Variants in HAPLN4 observed in about 807,000 individuals in gnomAD.
HAPLN4 encodes the protein hyaluronan and proteoglycan link protein 4.
A neutral mutation model predicts 28.0 loss-of-function variants in HAPLN4; 19 were observed. The ratio of observed to expected loss-of-function variants is 0.68; its 90% CI spans 0.47 to 1.00. HAPLN4 has a LOEUF of 1.00. Among genes scored for constraint, HAPLN4 ranks in the 50% least tolerant of loss-of-function variants. The pLI, the probability that HAPLN4 is intolerant of heterozygous loss-of-function variation, is 0.00. For missense variants in HAPLN4, 587 were observed against 602.6 expected (o/e 0.97, Z 0.27); for synonymous variants, 274 against 273.0 (o/e 1.00, Z -0.03).
At chr19:19,261,825 A>T in intron 1 of HAPLN4, 1 of 387,162 alleles carries the variant, frequency 2.6e-6, no homozygotes, top group Non-Finnish European at 4.5e-6. Flanking sequence ...CCAAAACCCG[A>T]GGCTCGCTGC....
chr19:19,257,813 C>G lies in HAPLN4; in HGVS notation c.*4G>C. ...AGCGCCCTGGCTGTCCGCCTACTCC[C>G]AGCCTAGACGTGCAGAGGGGTCCAG... On this transcript the variant is annotated 3_prime_UTR_variant, in exon 5 of 5. Transcript: ENST00000291481. 7.2e-7 allele frequency: 1 copy of G among 1,397,354 alleles called. No homozygotes were observed. The highest frequency in any genetic ancestry group is 9.2e-7 in the Non-Finnish European group (1 of 1,083,756). 86.6% of individuals were successfully genotyped at this position (1,397,354 alleles called of 1,614,324 possible).
In HAPLN4 at chr19:19,255,592, C is replaced by T. The variant is rs2060963168; in HGVS notation, c.*2225G>A. ...CCCAAGCCCCCCAAGCTTGTAACATCTTATCTACCAAAGTGCATTTATACA... is the reference window on the plus strand; with the variant it reads ...CCCAAGCCCCCCAAGCTTGTAACATTTTATCTACCAAAGTGCATTTATACA... On this transcript the variant is annotated 3_prime_UTR_variant, in exon 5 of 5. Transcript: ENST00000291481. The T allele has an allele frequency of 6.6e-6, 1 of 152,200 alleles. No individual in the cohort carries two copies. The highest frequency in any genetic ancestry group is 1.5e-5 in the Non-Finnish European group (1 of 68,066). The allele number at this position is 152,200 out of a possible 1,614,324, so 9.4% of individuals were successfully genotyped here.
chr19:19,261,484 C>G lies in HAPLN4; in HGVS notation c.83G>C (p.Gly28Ala), dbSNP rs2060983275. ...WGVLLLTAPAGAQRGRKKVVH... is the reference protein window; with the variant it reads ...WGVLLLTAPAAAQRGRKKVVH... Reference sequence around the variant, plus strand: ...GACCTTCTTCCGGCCACGCTGCGCCCCCGCAGGGGCTGTGAGCAGCAGGAC... The same window carrying G: ...GACCTTCTTCCGGCCACGCTGCGCCGCCGCAGGGGCTGTGAGCAGCAGGAC... Residue 28 changes from glycine (G) to alanine (A), a missense_variant, in exon 2 of 5, where the codon GGG (glycine) becomes GCG (alanine). Coordinates refer to ENST00000291481, the MANE Select transcript of HAPLN4 (RefSeq NM_023002.3). 1.2e-6 allele frequency: 2 copies of G among 1,612,224 alleles called. No individual in the cohort carries two copies. Among genetic ancestry groups the G allele is most frequent in the Non-Finnish European group, 1.7e-6 (2 of 1,179,736 alleles).
rs771835797 is a variant in HAPLN4 at position 19,258,710 on chromosome 19, G to A, written c.630C>T (p.Asn210=). The change falls in exon 4 of 5, where the codon AAC becomes AAT. Residue 210 remains asparagine (N), a synonymous_variant. Coordinates refer to ENST00000291481, the MANE Select transcript of HAPLN4 (RefSeq NM_023002.3). This position sits in a 1 kb window ranked among gnomAD's most constrained non-coding sequence, Gnocchi z 6.2. ...CTGAGCCGTCGCGCAACCAGCCCGCGTTGCACCAGTCCAGGCCGTCGCGCC... is the reference window on the plus strand; with the variant it reads ...CTGAGCCGTCGCGCAACCAGCCCGCATTGCACCAGTCCAGGCCGTCGCGCC... ...AAWRDGLDWC[N]AGWLRDGSVQ... 6.2e-7 allele frequency: 1 copy of A among 1,605,392 alleles called. No homozygotes were observed. Among genetic ancestry groups the A allele is most frequent in the African/African-American group, 1.3e-5 (1 of 74,792 alleles).
At chr19:19,261,402 TCTG>T (rs1287039364) in intron 2 of HAPLN4, 41 bp downstream of exon 2, 2 of 1,551,212 alleles carry the variant, frequency 1.3e-6, no homozygotes, top group African/African-American at 2.7e-5. Flanking sequence ...CTTGGCCACT[TCTG>T]CTTTTCGCGG....
Position 19,261,514 on chromosome 19 carries a change from C to T in HAPLN4, c.53G>A (p.Trp18Ter). ...AGGGGCTGTGAGCAGCAGGACGCCC[C>T]AGGCCGCGGCCCAGAGCGCGCCGGG... The part of the protein sequence containing the change: ...LGPGALWAAA[W>*]GVLLLTAPAG... Residue 18 changes from tryptophan (W) to a stop codon, truncating the protein, a stop_gained, in exon 2 of 5, where the codon TGG becomes TAG. Coordinates refer to ENST00000291481, the MANE Select transcript of HAPLN4 (RefSeq NM_023002.3). LOFTEE classifies it high-confidence loss of function. 6.2e-7 allele frequency: 1 copy of T among 1,610,472 alleles called. No individual in the cohort carries two copies. Among genetic ancestry groups the T allele is most frequent in the Non-Finnish European group, 8.5e-7 (1 of 1,178,996 alleles).
Position 19,258,152 on chromosome 19 carries a change from C to T in HAPLN4, c.874G>A (p.Ala292Thr). 2 of 1,540,588 alleles carry T rather than the reference C, an allele frequency of 1.3e-6. No individual in the cohort carries two copies. Among genetic ancestry groups the T allele is most frequent in the African/African-American group, 2.7e-5 (2 of 73,610 alleles). ...ACGGCCGCGCCACGCGCAGCACACG[C>T]GCGCGCAGCTCCGGAGAAGGGTACA... is the stretch of plus-strand genomic sequence containing the variant. ...RPVPFSGAAR[A>T]CAARGAAVAK... The change falls in exon 5 of 5, where the codon GCG (alanine) becomes ACG (threonine). Residue 292 changes from alanine (A) to threonine (T), a missense_variant. Coordinates refer to ENST00000291481, the MANE Select transcript of HAPLN4 (RefSeq NM_023002.3). The surrounding 1 kb of genome is among the most constrained non-coding windows in gnomAD (Gnocchi z 6.2).
Position 19,257,805 on chromosome 19 carries a change from C to CCTA in HAPLN4, c.*9_*11dup, listed in dbSNP as rs755286459. On this transcript the variant is annotated 3_prime_UTR_variant, in exon 5 of 5. Transcript: ENST00000291481. ...AGTGGTCAAGCGCCCTGGCTGTCCG[C>CCTA]CTACTCCCAGCCTAGACGTGCAGAG... 1 of 1,394,266 alleles carries CCTA rather than the reference C, an allele frequency of 7.2e-7. No homozygotes were observed. The highest frequency in any genetic ancestry group is 3.1e-5 in the Admixed American group (1 of 31,968). The allele number at this position is 1,394,266 out of a possible 1,614,324, so 86.4% of individuals were successfully genotyped here.
rs767404192 is a variant in HAPLN4, at chr19:19,262,750, C to G, written c.-18G>C. ...CTTACCATCTTGCCCGCGCGGCCCC[C>G]GCCGAGCGGCCCCTACGCACCCGGA... On this transcript the variant is annotated 5_prime_UTR_variant, in exon 1 of 5. Transcript: ENST00000291481. The G allele has an allele frequency of 6.2e-6, 10 of 1,607,956 alleles. No individual in the cohort carries two copies. The highest frequency in any genetic ancestry group is 8.5e-6 in the Non-Finnish European group (10 of 1,176,542).
Position 19,258,867 on chromosome 19 carries a change from C to A in HAPLN4, c.485-12G>T. ...GGGAAAGACCACGCCTGGCGGGGGG[C>A]GCACGGGATCAGCAGGTACACCCCA... On this transcript the variant is annotated splice_polypyrimidine_tract_variant and intron_variant, in intron 3 of 4. Transcript: ENST00000291481. This position sits in a 1 kb window ranked among gnomAD's most constrained non-coding sequence, Gnocchi z 6.2. 3.3e-6 allele frequency: 5 copies of A among 1,523,292 alleles called. No homozygotes were observed. Among genetic ancestry groups the A allele is most frequent in the South Asian group, 1.3e-5 (1 of 78,290 alleles). 94.4% of individuals were successfully genotyped at this position (1,523,292 alleles called of 1,614,324 possible). A position where few individuals can be genotyped will look rare whatever the true frequency, so the allele number is the denominator to read the frequency against.
rs2060965226 is a variant in HAPLN4 at position 19,256,214 on chromosome 19, T to G, written c.*1603A>C. The G allele has an allele frequency of 6.6e-6, 1 of 152,104 alleles. No individual in the cohort carries two copies. The highest frequency in any genetic ancestry group is 2.4e-5 in the African/African-American group (1 of 41,390). The allele number at this position is 152,104 out of a possible 1,614,324, so 9.4% of individuals were successfully genotyped here. ...CACGCCATAGGCTCGGTTTCCTCAT[T>G]TGTAGGACGACGACAAACATGCCCG... On this transcript the variant is annotated 3_prime_UTR_variant, in exon 5 of 5. Coordinates refer to ENST00000291481, the MANE Select transcript of HAPLN4 (RefSeq NM_023002.3).
rs2060980571 is a variant in HAPLN4 at position 19,260,914 on chromosome 19, A to G, written c.383T>C (p.Leu128Pro). The G allele has an allele frequency of 6.2e-7, 1 of 1,613,946 alleles. No individual in the cohort carries two copies. Among genetic ancestry groups the G allele is most frequent in the Non-Finnish European group, 8.5e-7 (1 of 1,180,036 alleles). Residue 128 changes from leucine (L) to proline (P), a missense_variant, in exon 3 of 5, where the codon CTG becomes CCG. Transcript: ENST00000291481. ...TTGCAGCGTGACGTTGCGGAGGACC[A>G]GGGAGGCATCCCCAGGCCCGTCGCC... Reference protein sequence around the residue: ...LQGDGPGDASLVLRNVTLQDY... With the variant: ...LQGDGPGDASPVLRNVTLQDY...
chr19:19,256,715 C>T lies in HAPLN4; in HGVS notation c.*1102G>A, dbSNP rs1027025936. The stretch of plus-strand genomic sequence containing the variant: ...TGTTGGGTCACCCTGGCGACAGCTT[C>T]GGGGAGGGTGATCTCCATGGCGGTG... On this transcript the variant is annotated 3_prime_UTR_variant, in exon 5 of 5. Coordinates refer to ENST00000291481, the MANE Select transcript of HAPLN4 (RefSeq NM_023002.3). The T allele has an allele frequency of 4.6e-5, 7 of 152,512 alleles. No individual in the cohort carries two copies. The highest frequency in any genetic ancestry group is 3.9e-4 in the East Asian group (2 of 5,178). The allele number at this position is 152,512 out of a possible 1,614,324, so 9.4% of individuals were successfully genotyped here.
rs2060969490 is a variant in HAPLN4 at position 19,257,634 on chromosome 19, A to C, written c.*183T>G. The C allele has an allele frequency of 1.7e-6, 1 of 589,690 alleles. No homozygotes were observed. The highest frequency in any genetic ancestry group is 2.5e-6 in the Non-Finnish European group (1 of 397,380). The allele number at this position is 589,690 out of a possible 1,614,324, so 36.5% of individuals were successfully genotyped here. On this transcript the variant is annotated 3_prime_UTR_variant, in exon 5 of 5. Transcript: ENST00000291481. Reference sequence around the variant, plus strand: ...GTGAGGGCTGGCCAGGCTCCAGGGAACTCCAAAGTACTGTTCTGCCAGGAC... The same window carrying C: ...GTGAGGGCTGGCCAGGCTCCAGGGACCTCCAAAGTACTGTTCTGCCAGGAC...
chr19:19,262,593 G>C, intron 1 of HAPLN4, 137 bp downstream of exon 1: 1 of 1,058,014 alleles, frequency 9.5e-7, no homozygotes, highest in South Asian at 1.4e-5. Flanking sequence ...CAAAAAGAGA[G>C]ATCAAAGAGG....
intron 3 of HAPLN4, among the ~76,000 whole-genome samples, chr19:19,260,532 G>C (rs1039015434): frequency 1.3e-5 from 2 of 152,092 alleles, no homozygotes; most frequent in African/African-American, 4.8e-5. Flanking sequence ...CACTCCTTGT[G>C]GGGGACTATC....
At position 19,256,969 on chromosome 19, in the gene HAPLN4, G is replaced by A. The variant is rs1346306144; in HGVS notation, c.*848C>T. The A allele has an allele frequency of 6.6e-6, 1 of 152,526 alleles. No homozygotes were observed. The highest frequency in any genetic ancestry group is 1.9e-4 in the East Asian group (1 of 5,188). 9.4% of individuals were successfully genotyped at this position (152,526 alleles called of 1,614,324 possible). ...AACTGCTCTGCATAACTAGTGACAT[G>A]GATCTTACCGGTCCCCAGGCCTGGG... On this transcript the variant is annotated 3_prime_UTR_variant, in exon 5 of 5. Coordinates refer to ENST00000291481, the MANE Select transcript of HAPLN4 (RefSeq NM_023002.3).
At position 19,256,479 on chromosome 19, in the gene HAPLN4, G is replaced by A. The variant is rs1251698104; in HGVS notation, c.*1338C>T. Reference sequence around the variant, plus strand: ...TGAGGACAACGTTGACAGTCTCTATGGCAACAGCTTGGTGAACAGGGCCCC... The same window carrying A: ...TGAGGACAACGTTGACAGTCTCTATAGCAACAGCTTGGTGAACAGGGCCCC... On this transcript the variant is annotated 3_prime_UTR_variant, in exon 5 of 5. Coordinates refer to ENST00000291481, the MANE Select transcript of HAPLN4 (RefSeq NM_023002.3). 1 of 152,656 alleles carries A rather than the reference G, an allele frequency of 6.6e-6. No homozygotes were observed. Among genetic ancestry groups the A allele is most frequent in the African/African-American group, 2.4e-5 (1 of 41,442 alleles). 9.5% of individuals were successfully genotyped at this position (152,656 alleles called of 1,614,324 possible).
At chr19:19,262,328 A>AGAGACAGAGAGGCAGAGG (rs1456525513) in intron 1 of HAPLN4, among the ~76,000 whole-genome samples, 2 of 150,714 alleles carry the variant, frequency 1.3e-5, no homozygotes, top group Non-Finnish European at 3.0e-5. Context: ...ATGGAGAGGG[A>AGAGACAGAGAGGCAGAGG]GAGACAGAGA....
Sources: allele counts gnomAD v4.1 joint callset (sites outside exome capture counted in the v4.1 genomes callset), GRCh38; gene constraint gnomAD v4.1.1; non-coding constraint Gnocchi (gnomAD v3.1); transcripts MANE v1.5; gene names NCBI Gene and HGNC (gene_info 2026-07-23, HGNC 2026-07-21).